Variants in GRIK2 observed in about 807,000 individuals in gnomAD.
GRIK2 encodes the protein glutamate receptor ionotropic, kainate 2.
A neutral mutation model predicts 100.3 loss-of-function variants in GRIK2; 32 were observed. That is an observed-to-expected ratio of 0.32 (90% CI 0.24 to 0.43). The LOEUF is 0.43. Ranked by LOEUF, GRIK2 falls within the 20% of genes least tolerant of loss-of-function variation. The probability of loss-of-function intolerance (pLI) is 1.00; values close to 1 mark genes in which losing one functional copy is unlikely to be tolerated. For synonymous variants in GRIK2, 417 were observed against 389.4 expected, an observed-to-expected ratio of 1.07 and a Z score of -0.83; for missense variants, 843 against 1,114.9, an observed-to-expected ratio of 0.76 and a Z score of 3.47.
At chr6:101,604,386 C>T (rs531037488) in intron 2 of GRIK2, among the ~76,000 whole-genome samples, 2 of 151,788 alleles carry the variant, frequency 1.3e-5, no homozygotes, top group Non-Finnish European at 2.9e-5. Context: ...AGGCATCTTC[C>T]ATTTGCCCTT....
rs200573382 is a variant in GRIK2 at position 101,731,232 on chromosome 6, T to TGG, written c.951+44880_951+44881insGG. Among the ~76,000 whole-genome samples, 508 of 152,106 alleles carry TGG rather than the reference T, an allele frequency of 3.3e-3. 3 individuals are homozygous for TGG. Among genetic ancestry groups the TGG allele is most frequent in the African/African-American group, 0.01 (435 of 41,558 alleles). ...ACCCTAACCCAGTTGCTAAAGAAAC[T>TGG]GTTTTGATGCCTTTATTTTTCATGC... On this transcript the variant is annotated intron_variant, in intron 7 of 16. Coordinates refer to ENST00000369134, the MANE Select transcript of GRIK2 (RefSeq NM_021956.5).
intron 2 of GRIK2, among the ~76,000 whole-genome samples, chr6:101,606,283 T>G (rs574513849): frequency 6.6e-6 from 1 of 152,162 alleles, no homozygotes; most frequent in Admixed American, 6.6e-5. Flanking sequence ...TAGGATTTAA[T>G]TTTAAACGTG....
At chr6:101,636,152 T>C (rs1582868750) in intron 4 of GRIK2, among the ~76,000 whole-genome samples, 1 of 152,080 alleles carries the variant, frequency 6.6e-6, no homozygotes, top group African/African-American at 2.4e-5. Context: ...ATATAAACTA[T>C]GGAATGCTAT....
At chr6:101,674,572 C>A (rs1270801316) in intron 4 of GRIK2, among the ~76,000 whole-genome samples, 2 of 152,126 alleles carry the variant, frequency 1.3e-5, no homozygotes, top group African/African-American at 4.8e-5. Context: ...GTTCAAGTAC[C>A]TATTTTTGTT....
rs189175582 is a variant in GRIK2, at chr6:101,708,895, G to A, written c.951+22542G>A. On this transcript the variant is annotated intron_variant, in intron 7 of 16. Transcript: ENST00000369134. ...TGAATGTGATTTCAATTGGAAATAG[G>A]GTCTTTGAAGATGTAATCATGTCAA... Among the ~76,000 whole-genome samples, 990 of 151,684 alleles carry A rather than the reference G, an allele frequency of 6.5e-3. 8 individuals carry two copies. Among genetic ancestry groups the A allele is most frequent in the Non-Finnish European group, 0.01 (704 of 67,790 alleles).
chr6:101,965,120 G>A (rs1052547834), intron 14 of GRIK2, among the ~76,000 whole-genome samples: 1 of 152,038 alleles, frequency 6.6e-6, no homozygotes, highest in African/African-American at 2.4e-5. Context: ...CCCTGCTTTT[G>A]CTATAAGAAA....
intron 7 of GRIK2, 28 bp downstream of exon 7, chr6:101,686,381 T>G (rs1169101594): frequency 6.4e-7 from 1 of 1,561,534 alleles, no homozygotes; most frequent in African/African-American, 1.4e-5. Context: ...AAGATCAGTT[T>G]GTGTGTTTCT....
At chr6:101,919,753 G>A (rs1409732963) in intron 12 of GRIK2, among the ~76,000 whole-genome samples, 2 of 151,714 alleles carry the variant, frequency 1.3e-5, no homozygotes, top group Non-Finnish European at 2.9e-5. Flanking sequence ...AAGTTCAAAG[G>A]GAAGGCATCA....
intron 12 of GRIK2, among the ~76,000 whole-genome samples, chr6:101,916,519 A>T (rs1172056475): frequency 2.0e-5 from 3 of 151,640 alleles, no homozygotes; most frequent in African/African-American, 7.2e-5. Context: ...TATAATTAGG[A>T]ATAAATTAGA....
At chr6:101,729,038 C>A (rs1775072093) in intron 7 of GRIK2, among the ~76,000 whole-genome samples, 1 of 151,996 alleles carries the variant, frequency 6.6e-6, no homozygotes, top group South Asian at 2.1e-4. Flanking sequence ...ACTCTTCCAA[C>A]CACAGAACAC....
chr6:101,592,536 C>T (rs1778702528), intron 2 of GRIK2, among the ~76,000 whole-genome samples: 1 of 144,394 alleles, frequency 6.9e-6, no homozygotes. Flanking sequence ...GGAATGTATC[C>T]TTCAGTGTTG....
intron 14 of GRIK2, among the ~76,000 whole-genome samples, chr6:102,034,247 T>C (rs1156643662): frequency 6.6e-6 from 1 of 151,380 alleles, no homozygotes; most frequent in African/African-American, 2.4e-5. Context: ...CATTTTATCA[T>C]TGAAACAGTG....
chr6:101,958,253 TTGTGTGTG>T (rs1554292720), intron 14 of GRIK2, among the ~76,000 whole-genome samples: 2 of 139,442 alleles, frequency 1.4e-5, no homozygotes, highest in Admixed American at 7.4e-5. Context: ...TGCTACATAT[TTGTGTGTG>T]TGTGTGTGTG....
chr6:102,066,452 A>G (rs566525545), intron 16 of GRIK2, among the ~76,000 whole-genome samples: 38 of 151,724 alleles, frequency 2.5e-4, no homozygotes, highest in Non-Finnish European at 4.0e-4. Flanking sequence ...AGTGGAAAAT[A>G]CTGACAGAAT....
chr6:101,667,909 C>T (rs1770148774), intron 4 of GRIK2, among the ~76,000 whole-genome samples: 1 of 152,088 alleles, frequency 6.6e-6, no homozygotes, highest in African/African-American at 2.4e-5. Flanking sequence ...TGGCACAGTG[C>T]TTCATTTAGC....
At chr6:101,924,984 T>A (rs1403821694) in intron 13 of GRIK2, among the ~76,000 whole-genome samples, 1 of 152,194 alleles carries the variant, frequency 6.6e-6, no homozygotes, top group South Asian at 2.1e-4. Flanking sequence ...ATTTCATAGA[T>A]AACCAAGCTA....
At chr6:101,786,023 T>C (rs1779400806) in intron 7 of GRIK2, among the ~76,000 whole-genome samples, 1 of 152,062 alleles carries the variant, frequency 6.6e-6, no homozygotes, top group South Asian at 2.1e-4. Flanking sequence ...CATTGTAGAG[T>C]TCCTCATCTC....
At chr6:101,704,585 TA>T (rs1224857301) in intron 7 of GRIK2, among the ~76,000 whole-genome samples, 1 of 151,794 alleles carries the variant, frequency 6.6e-6, no homozygotes, top group Admixed American at 6.6e-5. Flanking sequence ...TATTTAGACT[TA>T]TTTGTTTAAC....
chr6:101,924,539 G>A (rs899904866), intron 12 of GRIK2, 62 bp from the exon 13 acceptor site: 21 of 845,940 alleles, frequency 2.5e-5, no homozygotes, highest in Non-Finnish European at 4.0e-5. Context: ...AGCAAAAAAT[G>A]CTGGATAGAA....
Sources: gnomAD v4.1 joint callset for allele counts (sites outside exome capture counted in the v4.1 genomes callset) on GRCh38, gnomAD v4.1.1 for gene constraint, MANE v1.5 for transcripts, NCBI Gene and HGNC (gene_info 2026-07-23, HGNC 2026-07-21) for gene names.